The following TNR variants were observed in gnomAD, a reference collection of about 807,000 sequenced individuals.
TNR encodes tenascin R.
In TNR, 45 loss-of-function variants were observed where a neutral mutation model predicts 150.4. That is an observed-to-expected ratio of 0.30 (90% CI 0.24 to 0.38). The LOEUF is 0.38. Among genes scored for constraint, TNR ranks in the 10% least tolerant of loss-of-function variants. TNR has a pLI of 1.00. For synonymous variants in TNR, 687 were observed against 678.4 expected, an observed-to-expected ratio of 1.01 and a Z score of -0.20; for missense variants, 1,544 against 1,759.1, an observed-to-expected ratio of 0.88 and a Z score of 2.19.
intron 2 of TNR, among the ~76,000 whole-genome samples, chr1:175,471,896 T>A (rs1306995901): frequency 6.6e-6 from 1 of 152,166 alleles, no homozygotes; most frequent in Non-Finnish European, 1.5e-5. Flanking sequence ...TACAAAAATA[T>A]TTTCTTTTTT....
chr1:175,613,310 G>A (rs1263295060), intron 1 of TNR, among the ~76,000 whole-genome samples: 2 of 152,196 alleles, frequency 1.3e-5, no homozygotes, highest in South Asian at 2.1e-4. Flanking sequence ...TTGTTCTAAT[G>A]GTAAAGGCTC....
chr1:175,399,479 A>G (rs1346680475), intron 4 of TNR, among the ~76,000 whole-genome samples: 3 of 152,342 alleles, frequency 2.0e-5, no homozygotes, highest in South Asian at 4.1e-4. Context: ...AGTTGCCTAC[A>G]CTTCTGAATG....
At chr1:175,670,336 T>A (rs997328378) in intron 1 of TNR, among the ~76,000 whole-genome samples, 2 of 152,022 alleles carry the variant, frequency 1.3e-5, no homozygotes, top group Non-Finnish European at 2.9e-5. Context: ...GGAAGTCTGG[T>A]GGGAAGAACC....
intron 1 of TNR, among the ~76,000 whole-genome samples, chr1:175,534,227 A>G (rs1170548356): frequency 6.6e-6 from 1 of 152,164 alleles, no homozygotes; most frequent in Non-Finnish European, 1.5e-5. Flanking sequence ...ATGTTGAGGA[A>G]AGCAAGCTGG....
chr1:175,634,860 T>C (rs1287254952), intron 1 of TNR, among the ~76,000 whole-genome samples: 1 of 152,196 alleles, frequency 6.6e-6, no homozygotes, highest in Admixed American at 6.5e-5. Flanking sequence ...TGCTACTTAT[T>C]ACCAACCGCC....
At chr1:175,613,324 G>T (rs968182253) in intron 1 of TNR, among the ~76,000 whole-genome samples, 1 of 152,140 alleles carries the variant, frequency 6.6e-6, no homozygotes, top group Admixed American at 6.5e-5. Flanking sequence ...AAGGCTCCTT[G>T]TCCAAATCTG....
intron 2 of TNR, among the ~76,000 whole-genome samples, chr1:175,431,856 G>T (rs1414084335): frequency 7.1e-6 from 1 of 141,422 alleles, no homozygotes; most frequent in African/African-American, 2.7e-5. Flanking sequence ...CACAGGGGTG[G>T]AGGCAGGGGG....
At chr1:175,696,306 C>T (rs756645241) in intron 1 of TNR, among the ~76,000 whole-genome samples, 21 of 137,042 alleles carry the variant, frequency 1.5e-4, no homozygotes, top group Admixed American at 7.2e-4. Context: ...GGTAAATGGG[C>T]GGGCCAGCTG....
chr1:175,325,922 A>G (rs2101979913), intron 21 of TNR, among the ~76,000 whole-genome samples: 1 of 152,292 alleles, frequency 6.6e-6, no homozygotes, highest in African/African-American at 2.4e-5. Context: ...AATGTAAATG[A>G]CAAGTTAATG....
At chr1:175,416,725 T>C (rs969544720) in intron 2 of TNR, among the ~76,000 whole-genome samples, 1 of 152,044 alleles carries the variant, frequency 6.6e-6, no homozygotes, top group Non-Finnish European at 1.5e-5. Context: ...ATATAAGAAG[T>C]GGGCCGGGTG....
Position 175,386,087 on chromosome 1 carries a change from G to A in TNR, c.1722C>T (p.Val574=), listed in dbSNP as rs757250730. The part of the protein sequence containing the change: ...LRPGSRYEVS[V]SAVRGTNESD... ...TCTCGTTGGTCCCTCGGACGGCACTGACTGACACCTCGTATCGGGAGCCAG... is the reference window on the plus strand; with the variant it reads ...TCTCGTTGGTCCCTCGGACGGCACTAACTGACACCTCGTATCGGGAGCCAG... The change falls in exon 8 of 23, where the codon GTC becomes GTT. Residue 574 remains valine (V), a synonymous_variant. Coordinates refer to ENST00000367674, the MANE Select transcript of TNR (RefSeq NM_003285.3). 1.3e-5 allele frequency: 21 copies of A among 1,611,970 alleles called. No individual in the cohort carries two copies. Among genetic ancestry groups the A allele is most frequent in the African/African-American group, 2.7e-5 (2 of 74,862 alleles).
At chr1:175,736,382 G>C (rs370479208) in intron 1 of TNR, among the ~76,000 whole-genome samples, 1 of 152,144 alleles carries the variant, frequency 6.6e-6, no homozygotes, top group Non-Finnish European at 1.5e-5. Context: ...TTAGTGGGGC[G>C]TGGTGGCCGG....
chr1:175,658,381 A>G (rs1665257469), intron 1 of TNR, among the ~76,000 whole-genome samples: 1 of 152,072 alleles, frequency 6.6e-6, no homozygotes. Context: ...AGGAGCTCAC[A>G]CTCTCAGGAG....
At chr1:175,408,285 G>A (rs1654050160) in intron 2 of TNR, among the ~76,000 whole-genome samples, 1 of 152,162 alleles carries the variant, frequency 6.6e-6, no homozygotes, top group Non-Finnish European at 1.5e-5. Context: ...CTGGAAGGAT[G>A]GAAAGATGAA....
chr1:175,410,050 G>C (rs1654139737), intron 2 of TNR, among the ~76,000 whole-genome samples: 1 of 152,174 alleles, frequency 6.6e-6, no homozygotes, highest in Non-Finnish European at 1.5e-5. Context: ...CATTGTATAG[G>C]GCATGGTCAG....
intron 5 of TNR, among the ~76,000 whole-genome samples, chr1:175,394,388 T>C (rs960148256): frequency 1.3e-5 from 2 of 152,164 alleles, no homozygotes; most frequent in Non-Finnish European, 2.9e-5. Flanking sequence ...GCAAACCAGT[T>C]TCAGAATTAA....
chr1:175,425,745 A>G (rs1179625451), intron 2 of TNR, among the ~76,000 whole-genome samples: 1 of 150,988 alleles, frequency 6.6e-6, no homozygotes, highest in East Asian at 1.9e-4. Flanking sequence ...AAAGAGTAGC[A>G]TTTTTTTTTC....
At chr1:175,624,491 C>G (rs375727499) in intron 1 of TNR, among the ~76,000 whole-genome samples, 2 of 152,138 alleles carry the variant, frequency 1.3e-5, no homozygotes, top group East Asian at 3.9e-4. Context: ...TGGAGAAGAA[C>G]TCCATGTAAC....
intron 1 of TNR, among the ~76,000 whole-genome samples, chr1:175,541,365 A>T (rs1312949001): frequency 1.3e-5 from 2 of 152,232 alleles, no homozygotes; most frequent in African/African-American, 4.8e-5. Flanking sequence ...GGAAAACTCA[A>T]TTCGCTCTGT....
Sources: allele counts gnomAD v4.1 joint callset (sites outside exome capture counted in the v4.1 genomes callset), GRCh38; gene constraint gnomAD v4.1.1; transcripts MANE v1.5; gene names NCBI Gene and HGNC (gene_info 2026-07-23, HGNC 2026-07-21).